Variants in RYR2 observed in about 807,000 individuals in gnomAD.
RYR2 encodes cardiac muscle ryanodine receptor-calcium release channel.
In RYR2, 227 loss-of-function variants were observed where a neutral mutation model predicts 601.1. The ratio of observed to expected loss-of-function variants is 0.38; its 90% CI spans 0.34 to 0.42. The LOEUF is 0.42. Among genes scored for constraint, RYR2 ranks in the 10% least tolerant of loss-of-function variants. The pLI is 1.00. For missense variants in RYR2, 4,646 were observed against 6,156.5 expected (o/e 0.75, Z 8.21); for synonymous variants, 2,223 against 2,175.1 (o/e 1.02, Z -0.61).
Position 237,423,200 on chromosome 1 carries a change from A to G in RYR2, c.957A>G (p.Lys319=), listed in dbSNP as rs756079517. 5 of 1,613,844 alleles carry G rather than the reference A, an allele frequency of 3.1e-6. No individual in the cohort carries two copies. Among genetic ancestry groups the G allele is most frequent in the East Asian group, 4.5e-5 (2 of 44,878 alleles). The change falls in exon 12 of 105, where the codon AAA becomes AAG. Residue 319 remains lysine, a synonymous_variant. Transcript: ENST00000366574. ...ACAAAAACCTTCTACTCATGGACAA[A>G]GAGAAAGCTGATGTAAAATCAACAG... ...MEDKNLLLMD[K]EKADVKSTAF...
In RYR2 at chr1:237,623,868, G is replaced by T. The variant is rs1251250228; in HGVS notation, c.6020G>T (p.Cys2007Phe). ...LDFHEDLMTH[C>F]GIELDEDGSL... ...TTCCATGAAGATTTGATGACACATTGTGGTAAGGTCTTTTTGATTAAAAGC... is the reference window on the plus strand; with the variant it reads ...TTCCATGAAGATTTGATGACACATTTTGGTAAGGTCTTTTTGATTAAAAGC... The change falls in exon 39 of 105, where the codon TGT (cysteine) becomes TTT (phenylalanine). Residue 2007 changes from cysteine (C) to phenylalanine (F), a missense_variant and splice_region_variant. Cys to Phe is a radical substitution (Grantham distance 205). This residue lies in a region of RYR2 where 170 missense variants were observed against 184.5 expected (regional missense o/e 0.92). Coordinates refer to ENST00000366574, the MANE Select transcript of RYR2 (RefSeq NM_001035.3). The T allele has an allele frequency of 1.3e-6, 2 of 1,592,836 alleles. No homozygotes were observed. The highest frequency in any genetic ancestry group is 1.3e-5 in the African/African-American group (1 of 74,546).
intron 80 of RYR2, among the ~76,000 whole-genome samples, chr1:237,746,972 C>T (rs978228062): frequency 1.3e-5 from 2 of 152,092 alleles, no homozygotes; most frequent in Non-Finnish European, 2.9e-5. Flanking sequence ...CATTTATTAA[C>T]TATGATTTTA....
intron 1 of RYR2, among the ~76,000 whole-genome samples, chr1:237,139,754 A>G (rs146435144): frequency 6.6e-6 from 1 of 152,312 alleles, no homozygotes; most frequent in East Asian, 1.9e-4. Context: ...TAACATTCAT[A>G]TCTCCAAAAT....
chr1:237,708,425 A>G (rs1688559554), intron 68 of RYR2, among the ~76,000 whole-genome samples: 3 of 152,214 alleles, frequency 2.0e-5, no homozygotes, highest in Non-Finnish European at 2.9e-5. Context: ...AGTGTTCCAT[A>G]TAATCTAACT....
At chr1:237,398,705 C>T (rs1703075248) in intron 10 of RYR2, among the ~76,000 whole-genome samples, 2 of 152,218 alleles carry the variant, frequency 1.3e-5, no homozygotes, top group Admixed American at 1.3e-4. Flanking sequence ...ACTGAACCTG[C>T]ATGACCATGT....
rs368198276 is a variant in RYR2, at chr1:237,445,541, G to A, written c.1292+19G>A. ...TTATAAGGTACTTTTTCTTTTGTAG[G>A]CGTAGTTGTTTGATACTTCATTTTC... is the stretch of plus-strand genomic sequence containing the variant. On this transcript the variant is annotated intron_variant, in intron 14 of 104. Transcript: ENST00000366574. 3.8e-4 allele frequency: 620 copies of A among 1,612,334 alleles called. 1 individual carries two copies. The highest frequency in any genetic ancestry group is 5.3e-4 in the South Asian group (48 of 90,944).
At chr1:237,574,088 G>A (rs895285448) in intron 29 of RYR2, among the ~76,000 whole-genome samples, 1 of 152,100 alleles carries the variant, frequency 6.6e-6, no homozygotes, top group Non-Finnish European at 1.5e-5. Flanking sequence ...TTGTCTATGT[G>A]GCAGATCCTC....
intron 1 of RYR2, among the ~76,000 whole-genome samples, chr1:237,095,966 A>G (rs547692837): frequency 7.1e-4 from 108 of 152,360 alleles, no homozygotes; most frequent in Middle Eastern, 3.4e-3. Flanking sequence ...GAGCCATTCT[A>G]CTAGAATAGT....
chr1:237,682,562 A>C (rs1685983877), intron 62 of RYR2, among the ~76,000 whole-genome samples: 1 of 152,182 alleles, frequency 6.6e-6, no homozygotes, highest in Non-Finnish European at 1.5e-5. Context: ...CATGCTGCAC[A>C]AGTATGTAGC....
At chr1:237,050,533 C>G (rs575559536) in intron 1 of RYR2, among the ~76,000 whole-genome samples, 2 of 152,220 alleles carry the variant, frequency 1.3e-5, no homozygotes, top group South Asian at 4.1e-4. Context: ...CACTTTTTTT[C>G]CTTTAACATT....
At chr1:237,246,737 T>C (rs1686890107) in intron 1 of RYR2, among the ~76,000 whole-genome samples, 2 of 152,190 alleles carry the variant, frequency 1.3e-5, no homozygotes, top group Admixed American at 1.3e-4. Context: ...TCTCCTTTCA[T>C]ATATTTTTGG....
intron 86 of RYR2, among the ~76,000 whole-genome samples, chr1:237,772,488 A>C (rs1434780525): frequency 6.6e-6 from 1 of 152,188 alleles, no homozygotes; most frequent in East Asian, 1.9e-4. Flanking sequence ...ACTACCATAC[A>C]CTTAAATTTG....
At chr1:237,517,560 T>G (rs963885201) in intron 24 of RYR2, among the ~76,000 whole-genome samples, 1 of 152,046 alleles carries the variant, frequency 6.6e-6, no homozygotes, top group Non-Finnish European at 1.5e-5. Flanking sequence ...TTGGGCCACA[T>G]TCAAAGCCAT....
At chr1:237,598,480 A>G (rs766106787) in intron 34 of RYR2, among the ~76,000 whole-genome samples, 3 of 152,382 alleles carry the variant, frequency 2.0e-5, no homozygotes, top group Non-Finnish European at 4.4e-5. Flanking sequence ...TCACACTAGT[A>G]TAAAACTAGA....
chr1:237,107,390 G>A (rs979988071), intron 1 of RYR2, among the ~76,000 whole-genome samples: 18 of 149,674 alleles, frequency 1.2e-4, no homozygotes, highest in East Asian at 2.0e-4. Flanking sequence ...ACGTGGTGGC[G>A]GGCGCCTGTA....
intron 1 of RYR2, among the ~76,000 whole-genome samples, chr1:237,205,838 C>T (rs1001314882): frequency 1.3e-5 from 2 of 152,158 alleles, no homozygotes; most frequent in African/African-American, 4.8e-5. Context: ...GGGGCCTCAG[C>T]AGGAGTGCAT....
At chr1:237,474,237 A>G (rs1202020732) in intron 17 of RYR2, among the ~76,000 whole-genome samples, 1 of 141,400 alleles carries the variant, frequency 7.1e-6, no homozygotes. Flanking sequence ...ATACATATAT[A>G]TGTATAGATA....
chr1:237,548,286 C>G, intron 25 of RYR2, 145 bp from the exon 26 acceptor site: 1 of 730,212 alleles, frequency 1.4e-6, no homozygotes, highest in Admixed American at 2.9e-5. Flanking sequence ...TGAAAGGAAC[C>G]TAGGCTTGCT....
At chr1:237,339,584 T>C (rs1697572228) in intron 3 of RYR2, among the ~76,000 whole-genome samples, 1 of 152,142 alleles carries the variant, frequency 6.6e-6, no homozygotes, top group Admixed American at 6.5e-5. Flanking sequence ...TCATATACTG[T>C]CTTGTCATCT....
Sources: gnomAD v4.1 joint callset for allele counts (sites outside exome capture counted in the v4.1 genomes callset) on GRCh38, gnomAD v4.1.1 for gene constraint, gnomAD v4.1.1 regional missense constraint, MANE v1.5 for transcripts, NCBI Gene and HGNC (gene_info 2026-07-23, HGNC 2026-07-21) for gene names.